FETUB: variants seen among roughly 807,000 people sequenced by gnomAD.
The protein encoded by FETUB is fetuin-B.
A neutral mutation model predicts 30.9 loss-of-function variants in FETUB; 28 were observed. That is an observed-to-expected ratio of 0.90 (90% CI 0.67 to 1.24). FETUB has a LOEUF of 1.24. Ranked by LOEUF, FETUB falls within the 50% of genes most tolerant of loss-of-function variation. The pLI is 0.00. For synonymous variants in FETUB, 186 were observed against 175.9 expected, an observed-to-expected ratio of 1.06 and a Z score of -0.45; for missense variants, 469 against 455.3, an observed-to-expected ratio of 1.03 and a Z score of -0.27.
At chr3:186,637,817 A>C (rs1290198558), upstream of FETUB, among the ~76,000 whole-genome samples, 1 of 152,248 alleles carries the variant, frequency 6.6e-6, no homozygotes, top group Non-Finnish European at 1.5e-5. Flanking sequence ...GCACCTTTGC[A>C]TACTTCCCCT....
Position 186,640,441 on chromosome 3 carries a change from T to G in FETUB, c.-20T>G. On this transcript the variant is annotated 5_prime_UTR_variant, in exon 1 of 7. Transcript: ENST00000265029. ...TGCAGCTCCACAAACTGACCCATCC[T>G]GGGCCTTGTTCTCCACAGAATGGGT... The G allele has an allele frequency of 6.2e-7, 1 of 1,602,964 alleles. No homozygotes were observed. Among genetic ancestry groups the G allele is most frequent in the Non-Finnish European group, 8.5e-7 (1 of 1,169,924 alleles).
At chr3:186,636,450 T>C (rs914903204), upstream of FETUB, among the ~76,000 whole-genome samples, 1 of 152,226 alleles carries the variant, frequency 6.6e-6, no homozygotes, top group Non-Finnish European at 1.5e-5. Context: ...TGAACCCCTG[T>C]GCTCTTAGCC....
intron 4 of FETUB, 40 bp downstream of exon 4, chr3:186,644,960 T>A: frequency 6.6e-7 from 1 of 1,512,226 alleles, no homozygotes; most frequent in Non-Finnish European, 9.0e-7. Context: ...ACAGTGTGTC[T>A]CATAACTGTT....
intron 1 of FETUB, 103 bp from the exon 2 acceptor site, chr3:186,640,927 A>C: frequency 1.3e-6 from 1 of 760,108 alleles, no homozygotes; most frequent in Non-Finnish European, 2.2e-6. Flanking sequence ...GAATCTTCAC[A>C]AATATTCTTT....
rs1382497991 is a variant in FETUB, at chr3:186,652,652, T to C, written c.*21T>C. 6.3e-7 allele frequency: 1 copy of C among 1,583,888 alleles called. No individual in the cohort carries two copies. Among genetic ancestry groups the C allele is most frequent in the Non-Finnish European group, 8.6e-7 (1 of 1,167,458 alleles). On this transcript the variant is annotated 3_prime_UTR_variant, in exon 7 of 7. Coordinates refer to ENST00000265029, the MANE Select transcript of FETUB (RefSeq NM_014375.3). ...CATGAGAATCACACAGAGTCTTCTG[T>C]AGGGGTATGGTGCGCCGCATGACAT...
chr3:186,636,344 C>T (rs1207573852), upstream of FETUB: 1 of 152,176 alleles, frequency 6.6e-6, no homozygotes, highest in East Asian at 1.9e-4. Context: ...TAAAATCTCC[C>T]CTGGTCTTCA....
chr3:186,645,087 A>G lies in FETUB; in HGVS notation c.594+167A>G, dbSNP rs1215310385. 2.0e-5 allele frequency among the ~76,000 whole-genome samples: 3 copies of G among 152,134 alleles called. No individual in the cohort carries two copies. In the East Asian group the frequency reaches 5.8e-4, roughly 29 times the overall value. The stretch of plus-strand genomic sequence containing the variant: ...CCTGATGCCCATTCTATCATGTTTC[A>G]CTTTCTAAGTGATTCCATGGCATTT... On this transcript the variant is annotated intron_variant, in intron 4 of 6. Transcript: ENST00000265029.
chr3:186,652,406 T>C lies in FETUB; in HGVS notation c.924T>C (p.Pro308=). 1 of 1,613,522 alleles carries C rather than the reference T, an allele frequency of 6.2e-7. No individual in the cohort carries two copies. Among genetic ancestry groups the C allele is most frequent in the Non-Finnish European group, 8.5e-7 (1 of 1,179,692 alleles). Residue 308 remains proline, a synonymous_variant, in exon 7 of 7, where the codon CCT becomes CCC. Coordinates refer to ENST00000265029, the MANE Select transcript of FETUB (RefSeq NM_014375.3). ...AGPRGSVQYL[P]DLDDKNSQEK... ...CAAGAGGATCTGTCCAATATCTTCCTGACTTGGATGATAAAAATTCCCAGG... is the reference window on the plus strand; with the variant it reads ...CAAGAGGATCTGTCCAATATCTTCCCGACTTGGATGATAAAAATTCCCAGG...
At chr3:186,648,670 C>T (rs1383518490) in intron 5 of FETUB, among the ~76,000 whole-genome samples, 1 of 152,144 alleles carries the variant, frequency 6.6e-6, no homozygotes, top group Non-Finnish European at 1.5e-5. Flanking sequence ...CATTTAATTT[C>T]TTTCAACAAA....
chr3:186,640,761 G>T, intron 1 of FETUB, 76 bp downstream of exon 1: 3 of 1,202,236 alleles, frequency 2.5e-6, no homozygotes, highest in Non-Finnish European at 3.7e-6. Flanking sequence ...AGGGAACCCA[G>T]AGACACCCTG....
chr3:186,641,090 C>A lies in FETUB; in HGVS notation c.286C>A (p.Leu96Ile). Residue 96 changes from leucine (L) to isoleucine (I), a missense_variant, in exon 2 of 7, where the codon CTC (leucine) becomes ATC (isoleucine). Leu to Ile is a conservative substitution (Grantham distance 5, BLOSUM62 2). Transcript: ENST00000265029. Reference protein sequence around the residue: ...LDVLETDCHVLRKKAWQDCGM... With the variant: ...LDVLETDCHVIRKKAWQDCGM... The stretch of plus-strand genomic sequence containing the variant: ...TGTGCTAGAGACTGACTGCCATGTG[C>A]TCAGAAAGAAGGCATGGCAAGACTG... 1 of 1,613,936 alleles carries A rather than the reference C, an allele frequency of 6.2e-7. No homozygotes were observed.
chr3:186,650,648 AG>A (rs1405952867), intron 5 of FETUB, among the ~76,000 whole-genome samples: 1 of 152,188 alleles, frequency 6.6e-6, no homozygotes, highest in African/African-American at 2.4e-5. Flanking sequence ...GTATATGCAT[AG>A]AAAAAAAGAC....
intron 4 of FETUB, among the ~76,000 whole-genome samples, 160 bp from the exon 5 acceptor site, chr3:186,646,088 C>T (rs922477515): frequency 6.6e-6 from 1 of 152,182 alleles, no homozygotes; most frequent in Non-Finnish European, 1.5e-5. Context: ...AATCATGGTA[C>T]ATGGTTTGAT....
intron 3 of FETUB, 36 bp from the exon 4 acceptor site, chr3:186,644,715 A>G: frequency 6.6e-7 from 1 of 1,525,032 alleles, no homozygotes; most frequent in Non-Finnish European, 8.9e-7. Context: ...TTGAAAATTA[A>G]TAGCATTTAA....
Position 186,640,666 on chromosome 3 carries a change from A to G in FETUB, c.206A>G (p.Asp69Gly), listed in dbSNP as rs190204768. ...GTGCTGAGACTCAACCGAGTGAACG[A>G]CGCCCAGGAATACAGACGGGCAAGT... ...GYVLRLNRVN[D>G]AQEYRRGGLG... The change falls in exon 1 of 7, where the codon GAC becomes GGC. Residue 69 changes from aspartate (D) to glycine (G), a missense_variant. Coordinates refer to ENST00000265029, the MANE Select transcript of FETUB (RefSeq NM_014375.3). 5 of 1,613,952 alleles carry G rather than the reference A, an allele frequency of 3.1e-6. No homozygotes were observed. The East Asian group carries it at 1.1e-4, about 36-fold the overall frequency.
chr3:186,639,706 C>T (rs1226819680), upstream of FETUB, among the ~76,000 whole-genome samples: 1 of 150,088 alleles, frequency 6.7e-6, no homozygotes, highest in Admixed American at 6.6e-5. Context: ...TGTGTTGCCA[C>T]CCACCTGCCC....
At position 186,642,516 on chromosome 3, in the gene FETUB, A is replaced by G. The variant is rs77346508; in HGVS notation, c.382A>G (p.Arg128Gly). ...KAIFYMNNPS[R>G]VLYLAAYNCT... ...AATATTTTATATGAACAACCCAAGT[A>G]GAGTTCTCTATTTAGCTGCTTATAA... Residue 128 changes from arginine to glycine, a missense_variant, in exon 3 of 7, where the codon AGA (arginine) becomes GGA (glycine). Physicochemically the swap from Arg to Gly is moderately radical, Grantham distance 125. Transcript: ENST00000265029. 3.2e-3 allele frequency: 5,146 copies of G among 1,610,302 alleles called. 137 individuals carry two copies. The African/African-American group carries it at 0.06, about 19-fold the overall frequency.
intron 3 of FETUB, 91 bp from the exon 4 acceptor site, chr3:186,644,660 T>C: frequency 1.1e-6 from 1 of 937,398 alleles, no homozygotes; most frequent in Admixed American, 2.4e-5. Flanking sequence ...ATTCCAGAGG[T>C]AACTTCCTCA....
chr3:186,640,840 C>T lies in FETUB; in HGVS notation c.225+155C>T, dbSNP rs77174166. On this transcript the variant is annotated intron_variant, in intron 1 of 6. Coordinates refer to ENST00000265029, the MANE Select transcript of FETUB (RefSeq NM_014375.3). ...TCTCCTCTGCCAGGGTCAGCAACAA[C>T]GCACTTATTGTTAGTAAAAACAAGT... Among the ~76,000 whole-genome samples, 99 of 152,262 alleles carry T rather than the reference C, an allele frequency of 6.5e-4. 3 individuals are homozygous for T. Among genetic ancestry groups the T allele is most frequent in the East Asian group, 3.9e-3 (20 of 5,188 alleles).
Sources: allele counts gnomAD v4.1 joint callset (sites outside exome capture counted in the v4.1 genomes callset), GRCh38; gene constraint gnomAD v4.1.1; transcripts MANE v1.5; gene names NCBI Gene and HGNC (gene_info 2026-07-23, HGNC 2026-07-21).